LNPK: variants seen among roughly 807,000 people sequenced by gnomAD.
LNPK encodes the protein endoplasmic reticulum junction formation protein lunapark.
Under a neutral mutation model 55.2 loss-of-function variants are expected in LNPK, and 29 were observed. The observed-to-expected ratio is 0.53, with a 90% CI of 0.39 to 0.72. LNPK has a LOEUF of 0.72. LNPK is among the 30% of genes least tolerant of loss of function. The pLI is 0.00. For missense variants in LNPK, 467 were observed against 494.8 expected (o/e 0.94, Z 0.53); for synonymous variants, 162 against 168.2 (o/e 0.96, Z 0.29).
chr2:175,997,711 G>GTGTGTGTGT (rs1175765810), intron 1 of LNPK, among the ~76,000 whole-genome samples: 1 of 141,962 alleles, frequency 7.0e-6, no homozygotes, highest in African/African-American at 2.8e-5. Flanking sequence ...TGCTCTGTGT[G>GTGTGTGTGT]TGTGTGTGTG....
rs191145578 is a variant in LNPK at position 175,974,724 on chromosome 2, G to A, written c.317-3920C>T. Among the ~76,000 whole-genome samples the A allele has an allele frequency of 2.3e-3, 351 of 151,816 alleles. 2 individuals are homozygous for A. Among genetic ancestry groups the A allele is most frequent in the African/African-American group, 8.1e-3 (337 of 41,406 alleles). ...TAAAACAAAACAAGTAAAAATAATCGAGAATAAAAAACAAGGACAGGACCA... is the reference window on the plus strand; with the variant it reads ...TAAAACAAAACAAGTAAAAATAATCAAGAATAAAAAACAAGGACAGGACCA... On this transcript the variant is annotated intron_variant, in intron 5 of 12. Transcript: ENST00000272748.
Position 175,927,476 on chromosome 2 carries a change from TC to T in LNPK, c.*2490del, listed in dbSNP as rs1194977040. 6.6e-6 allele frequency: 1 copy of T among 152,200 alleles called. No individual in the cohort carries two copies. 9.4% of individuals were successfully genotyped at this position (152,200 alleles called of 1,614,324 possible). On this transcript the variant is annotated 3_prime_UTR_variant, in exon 13 of 13. Transcript: ENST00000272748. Reference sequence around the variant, plus strand: ...TTCAGATGGGGAGTTTGGGAAGGCATCTCTCTGAGGAGGCAAAATTTAAGCT... The same window carrying T: ...TTCAGATGGGGAGTTTGGGAAGGCATTCTCTGAGGAGGCAAAATTTAAGCT...
chr2:175,965,578 A>C (rs1350875067), intron 6 of LNPK, among the ~76,000 whole-genome samples: 1 of 152,228 alleles, frequency 6.6e-6, no homozygotes, highest in African/African-American at 2.4e-5. Context: ...AAGCACATTT[A>C]CTGAGTTAAA....
At chr2:175,958,177 T>G (rs1093747) in intron 8 of LNPK, among the ~76,000 whole-genome samples, 1 of 152,022 alleles carries the variant, frequency 6.6e-6, no homozygotes, top group Non-Finnish European at 1.5e-5. Context: ...AGACTTAAAA[T>G]GTCCCTGTCT....
intron 8 of LNPK, 31 bp downstream of exon 8, chr2:175,964,341 C>A (rs780257851): frequency 3.8e-6 from 6 of 1,585,502 alleles, no homozygotes; most frequent in Admixed American, 1.7e-5. Context: ...ATCTTTCCAA[C>A]AGCAGCAGCA....
intron 12 of LNPK, among the ~76,000 whole-genome samples, chr2:175,934,121 T>C (rs1684425444): frequency 6.6e-6 from 1 of 152,198 alleles, no homozygotes. Flanking sequence ...TCTCTGTGTC[T>C]AAAACAAACA....
rs544134783 is a variant in LNPK at position 175,941,084 on chromosome 2, C to CA, written c.707-1428dup. ...GCAATATGAGGAAGCCCCATCTCTA[C>CA]AAAAAAAAATACAAAAATTAGCTGG... On this transcript the variant is annotated intron_variant, in intron 9 of 12. Transcript: ENST00000272748. 2.8e-3 allele frequency: 1,063 copies of CA among 373,318 alleles called. No homozygotes were observed. The highest frequency in any genetic ancestry group is 4.6e-3 in the East Asian group (53 of 11,436). 23.1% of individuals were successfully genotyped at this position (373,318 alleles called of 1,614,324 possible).
intron 3 of LNPK, 24 bp from the exon 4 acceptor site, chr2:175,992,442 G>A (rs753374185): frequency 1.5e-6 from 2 of 1,361,822 alleles, no homozygotes; most frequent in African/African-American, 1.5e-5. Flanking sequence ...ATTATTCCAT[G>A]TTAGTAAATT....
intron 9 of LNPK, chr2:175,939,882 G>C: frequency 2.8e-6 from 1 of 358,318 alleles, no homozygotes; most frequent in East Asian, 4.7e-5. Flanking sequence ...ACCTTTGCTA[G>C]TAGATTCTGT....
intron 8 of LNPK, among the ~76,000 whole-genome samples, chr2:175,961,342 AG>A (rs1167005583): frequency 6.2e-4 from 95 of 152,332 alleles, no homozygotes; most frequent in African/African-American, 2.3e-3. Context: ...CACATCAAAA[AG>A]CTTATGCATG....
intron 1 of LNPK, among the ~76,000 whole-genome samples, 158 bp from the exon 2 acceptor site, chr2:175,995,804 CTTTTTTTTT>C (rs10674444): frequency 8.3e-4 from 55 of 66,426 alleles, no homozygotes; most frequent in Admixed American, 2.5e-3. Flanking sequence ...TAGAGTCTAC[CTTTTTTTTT>C]TTTTTTTTTT....
chr2:175,963,471 T>C (rs1686169710), intron 8 of LNPK, among the ~76,000 whole-genome samples: 1 of 151,880 alleles, frequency 6.6e-6, no homozygotes, highest in Non-Finnish European at 1.5e-5. Flanking sequence ...AACCAAACAC[T>C]GCATATTCTC....
intron 4 of LNPK, among the ~76,000 whole-genome samples, chr2:175,980,073 A>C (rs1687099857): frequency 6.6e-6 from 1 of 152,224 alleles, no homozygotes. Context: ...AAGTCCACAG[A>C]CCTTCTGATG....
At chr2:175,974,153 T>C (rs1686781485) in intron 5 of LNPK, among the ~76,000 whole-genome samples, 1 of 152,214 alleles carries the variant, frequency 6.6e-6, no homozygotes, top group Non-Finnish European at 1.5e-5. Context: ...TATTGTACTC[T>C]TTTAGCACAG....
At chr2:175,958,006 G>A (rs1273296869) in intron 8 of LNPK, among the ~76,000 whole-genome samples, 1 of 152,224 alleles carries the variant, frequency 6.6e-6, no homozygotes, top group East Asian at 1.9e-4. Context: ...TGGGGTGGGG[G>A]AGGGGCGTCT....
At position 175,923,944 on chromosome 2, in the gene LNPK, T is replaced by C. The variant is rs1683899106; in HGVS notation, c.*6023A>G. 1 of 152,192 alleles carries C rather than the reference T, an allele frequency of 6.6e-6. No individual in the cohort carries two copies. The highest frequency in any genetic ancestry group is 1.5e-5 in the Non-Finnish European group (1 of 68,012). 9.4% of individuals were successfully genotyped at this position (152,192 alleles called of 1,614,324 possible). A position where few individuals can be genotyped will look rare whatever the true frequency, so the allele number is the denominator to read the frequency against. ...TGTATTCTAACAAATGTACTTTCTA[T>C]ATTTATATATTTATCTGTCTACATT... On this transcript the variant is annotated 3_prime_UTR_variant, in exon 13 of 13. Transcript: ENST00000272748.
chr2:175,995,706 T>G, intron 1 of LNPK, 60 bp from the exon 2 acceptor site: 1 of 716,322 alleles, frequency 1.4e-6, no homozygotes, highest in Non-Finnish European at 2.4e-6. Context: ...CCACTATAGA[T>G]GTTGCAATAC....
chr2:175,984,469 C>T (rs1456582384), intron 4 of LNPK, among the ~76,000 whole-genome samples: 2 of 151,788 alleles, frequency 1.3e-5, no homozygotes, highest in Admixed American at 6.6e-5. Context: ...CCACTGCACC[C>T]GGCCAGAACT....
chr2:175,951,584 CATATATATATATATAT>C (rs56037027), intron 8 of LNPK, among the ~76,000 whole-genome samples: 1 of 90,732 alleles, frequency 1.1e-5, no homozygotes, highest in Admixed American at 1.1e-4. Flanking sequence ...TTCCATCATT[CATATATATATATATAT>C]ATATATATAT....
Sources: gnomAD v4.1 joint callset for allele counts (sites outside exome capture counted in the v4.1 genomes callset) on GRCh38, gnomAD v4.1.1 for gene constraint, MANE v1.5 for transcripts, NCBI Gene and HGNC (gene_info 2026-07-23, HGNC 2026-07-21) for gene names.